The following SGMS1 variants were observed in gnomAD, a reference collection of about 807,000 sequenced individuals.
SGMS1 encodes the protein phosphatidylcholine:ceramide cholinephosphotransferase 1.
Under a neutral mutation model 46.2 loss-of-function variants are expected in SGMS1, and 13 were observed. That is an observed-to-expected ratio of 0.28 (90% CI 0.18 to 0.45). The LOEUF (loss-of-function observed/expected upper bound fraction) is 0.45. Among genes scored for constraint, SGMS1 ranks in the 20% least tolerant of loss-of-function variants. The pLI, the probability that SGMS1 is intolerant of heterozygous loss-of-function variation, is 1.00. For synonymous variants in SGMS1, 203 were observed against 187.8 expected (o/e 1.08, Z -0.66); for missense variants, 324 against 519.9 (o/e 0.62, Z 3.66).
intron 6 of SGMS1, among the ~76,000 whole-genome samples, chr10:50,396,212 C>T (rs1848846222): frequency 6.6e-6 from 1 of 152,118 alleles, no homozygotes; most frequent in Non-Finnish European, 1.5e-5. Flanking sequence ...GGGTGGGGCT[C>T]CCAGTCCCAC....
chr10:50,366,903 A>G (rs1848356310), intron 6 of SGMS1, among the ~76,000 whole-genome samples: 1 of 152,206 alleles, frequency 6.6e-6, no homozygotes, highest in African/African-American at 2.4e-5. Flanking sequence ...ATACATACCT[A>G]TGTAACAAAA....
intron 3 of SGMS1, among the ~76,000 whole-genome samples, chr10:50,509,827 T>C (rs1183015305): frequency 6.6e-6 from 1 of 152,230 alleles, no homozygotes; most frequent in Non-Finnish European, 1.5e-5. Context: ...AAAATGATCC[T>C]TTGATGGTAT....
chr10:50,607,101 C>T (rs1394489629), intron 1 of SGMS1, among the ~76,000 whole-genome samples: 3 of 151,636 alleles, frequency 2.0e-5, no homozygotes, highest in Non-Finnish European at 4.4e-5. Context: ...ACCTCAGCCT[C>T]CCAAGTAGCT....
At chr10:50,548,440 G>C (rs1838119882) in intron 2 of SGMS1, among the ~76,000 whole-genome samples, 1 of 152,128 alleles carries the variant, frequency 6.6e-6, no homozygotes, top group South Asian at 2.1e-4. Flanking sequence ...TGACAAACCT[G>C]ACAAAAACAA....
chr10:50,617,089 AACAG>A (rs1459489365), intron 1 of SGMS1, among the ~76,000 whole-genome samples: 1 of 152,210 alleles, frequency 6.6e-6, no homozygotes, highest in Non-Finnish European at 1.5e-5. Context: ...GGGGCATAAA[AACAG>A]ACAGATGATT....
chr10:50,401,685 T>C (rs1848943021), intron 6 of SGMS1, among the ~76,000 whole-genome samples: 3 of 152,210 alleles, frequency 2.0e-5, no homozygotes, highest in African/African-American at 7.2e-5. Flanking sequence ...TGTTTTACAT[T>C]TGTCACAATC....
At chr10:50,447,743 C>A (rs903214598) in intron 5 of SGMS1, among the ~76,000 whole-genome samples, 1 of 152,250 alleles carries the variant, frequency 6.6e-6, no homozygotes, top group South Asian at 2.1e-4. Flanking sequence ...CCTCACACAT[C>A]CTGTTTTGTG....
At chr10:50,425,401 A>ATGTAGTATGTGGTAC (rs1163060671) in intron 6 of SGMS1, among the ~76,000 whole-genome samples, 1 of 152,242 alleles carries the variant, frequency 6.6e-6, no homozygotes, top group Non-Finnish European at 1.5e-5. Flanking sequence ...CATGCCATGG[A>ATGTAGTATGTGGTAC]ATACTACACA....
At chr10:50,622,447 C>T (rs1318721932) in intron 1 of SGMS1, among the ~76,000 whole-genome samples, 1 of 152,186 alleles carries the variant, frequency 6.6e-6, no homozygotes, top group Non-Finnish European at 1.5e-5. Context: ...CAGCACAGCA[C>T]ATCAGACATT....
At chr10:50,434,672 C>G (rs1022502209) in intron 5 of SGMS1, among the ~76,000 whole-genome samples, 1 of 149,452 alleles carries the variant, frequency 6.7e-6, no homozygotes, top group Non-Finnish European at 1.5e-5. Flanking sequence ...GTCAGGAGAT[C>G]GAGACCATCC....
intron 6 of SGMS1, among the ~76,000 whole-genome samples, chr10:50,380,046 C>A (rs1482883556): frequency 6.6e-6 from 1 of 152,102 alleles, no homozygotes. Flanking sequence ...TATCTAAGAT[C>A]TGAATCAAAA....
chr10:50,490,988 T>C (rs185577003), intron 3 of SGMS1, among the ~76,000 whole-genome samples: 38 of 152,262 alleles, frequency 2.5e-4, no homozygotes, highest in African/African-American at 9.1e-4. Flanking sequence ...TCATTAGTGA[T>C]ATTAATTGAT....
At chr10:50,351,917 AC>A (rs1320019952) in intron 6 of SGMS1, among the ~76,000 whole-genome samples, 53 of 152,158 alleles carry the variant, frequency 3.5e-4, no homozygotes, top group African/African-American at 1.1e-3. Flanking sequence ...TCTTGTAACA[AC>A]CTACACTTCT....
At chr10:50,369,154 AT>A (rs1158146905) in intron 6 of SGMS1, among the ~76,000 whole-genome samples, 2 of 152,262 alleles carry the variant, frequency 1.3e-5, no homozygotes, top group Non-Finnish European at 2.9e-5. Flanking sequence ...TACACTGTAA[AT>A]ATGAAGAGCA....
At chr10:50,593,052 C>T (rs1301875879) in intron 1 of SGMS1, among the ~76,000 whole-genome samples, 1 of 151,154 alleles carries the variant, frequency 6.6e-6, no homozygotes, top group Non-Finnish European at 1.5e-5. Context: ...CCAAAGACTC[C>T]ACCTTCCATC....
At chr10:50,520,425 T>C (rs1220755685) in intron 2 of SGMS1, among the ~76,000 whole-genome samples, 2 of 152,184 alleles carry the variant, frequency 1.3e-5, no homozygotes, top group East Asian at 1.9e-4. Context: ...ACTTAATATT[T>C]GCAGAAGAAA....
At chr10:50,483,535 A>C (rs1331767482) in intron 3 of SGMS1, among the ~76,000 whole-genome samples, 3 of 152,222 alleles carry the variant, frequency 2.0e-5, no homozygotes, top group Admixed American at 6.5e-5. Flanking sequence ...CTCTGAATCA[A>C]GTGGACCTGA....
At chr10:50,614,051 CT>C (rs1318924578) in intron 1 of SGMS1, among the ~76,000 whole-genome samples, 1 of 151,738 alleles carries the variant, frequency 6.6e-6, no homozygotes. Flanking sequence ...TCTCAATATA[CT>C]TTTAATTTGT....
chr10:50,354,576 C>T (rs1376484210), intron 6 of SGMS1, among the ~76,000 whole-genome samples: 2 of 152,078 alleles, frequency 1.3e-5, no homozygotes, highest in Admixed American at 6.5e-5. Flanking sequence ...GTAACAAAAG[C>T]CAAAATTGAC....
Sources: gnomAD v4.1 joint callset for allele counts (sites outside exome capture counted in the v4.1 genomes callset) on GRCh38, gnomAD v4.1.1 for gene constraint, MANE v1.5 for transcripts, NCBI Gene and HGNC (gene_info 2026-07-23, HGNC 2026-07-21) for gene names.